The following PCDH9 variants were observed in gnomAD, a reference collection of about 807,000 sequenced individuals.
PCDH9 encodes the protein protocadherin 9.
In PCDH9, 24 loss-of-function variants were observed where a neutral mutation model predicts 70.6. The observed-to-expected ratio is 0.34, with a 90% confidence interval of 0.25 to 0.48. The LOEUF is 0.48. Ranked by LOEUF, PCDH9 falls within the 20% of genes least tolerant of loss-of-function variation. PCDH9 has a pLI of 0.99. For missense variants in PCDH9, 1,281 were observed against 1,503.6 expected (o/e 0.85, Z 2.45); for synonymous variants, 562 against 558.5 (o/e 1.01, Z -0.09).
intron 4 of PCDH9, among the ~76,000 whole-genome samples, chr13:66,333,572 A>T (rs990988903): frequency 6.6e-6 from 1 of 152,148 alleles, no homozygotes; most frequent in Non-Finnish European, 1.5e-5. Context: ...GAAGATCTTT[A>T]TTTTTCATTT....
intron 3 of PCDH9, among the ~76,000 whole-genome samples, chr13:66,898,933 T>C (rs1352626021): frequency 6.6e-6 from 1 of 151,950 alleles, no homozygotes; most frequent in Non-Finnish European, 1.5e-5. Flanking sequence ...CCCATAACTT[T>C]ATCTTAATGT....
chr13:67,078,325 C>A (rs1309413340), intron 2 of PCDH9, among the ~76,000 whole-genome samples: 1 of 152,168 alleles, frequency 6.6e-6, no homozygotes, highest in Non-Finnish European at 1.5e-5. Flanking sequence ...TCCAATCCTT[C>A]CTTGCCCACC....
At chr13:66,368,857 A>T (rs2138211255) in intron 4 of PCDH9, among the ~76,000 whole-genome samples, 1 of 152,154 alleles carries the variant, frequency 6.6e-6, no homozygotes, top group Non-Finnish European at 1.5e-5. Context: ...TTGTGCAGGG[A>T]AACTCTCCCT....
At chr13:66,362,319 C>T (rs546799979) in intron 4 of PCDH9, among the ~76,000 whole-genome samples, 2 of 152,252 alleles carry the variant, frequency 1.3e-5, no homozygotes, top group Admixed American at 6.5e-5. Context: ...ATTGTTGTTT[C>T]GTGTAGTAGT....
At chr13:67,023,080 C>T (rs2084710482) in intron 2 of PCDH9, among the ~76,000 whole-genome samples, 1 of 152,140 alleles carries the variant, frequency 6.6e-6, no homozygotes, top group African/African-American at 2.4e-5. Flanking sequence ...CCACTTTTAA[C>T]TACTTTGAAA....
intron 4 of PCDH9, among the ~76,000 whole-genome samples, chr13:66,471,990 C>T (rs926390793): frequency 1.3e-5 from 2 of 152,028 alleles, no homozygotes; most frequent in African/African-American, 4.8e-5. Flanking sequence ...GCGGGCGGAT[C>T]GCTTAAGGTC....
chr13:66,781,070 G>A (rs113752447), intron 3 of PCDH9, among the ~76,000 whole-genome samples: 1,911 of 152,212 alleles, frequency 0.013, 38 homozygotes, highest in African/African-American at 0.043. Context: ...CCAATAATAA[G>A]TTGTGTAGAA....
intron 2 of PCDH9, among the ~76,000 whole-genome samples, chr13:66,999,106 G>T (rs927472523): frequency 6.6e-6 from 1 of 152,114 alleles, no homozygotes; most frequent in Non-Finnish European, 1.5e-5. Context: ...CAAGCAAATT[G>T]GGTTCTTGCC....
chr13:66,964,850 C>A (rs2083406204), intron 2 of PCDH9, among the ~76,000 whole-genome samples: 2 of 151,736 alleles, frequency 1.3e-5, no homozygotes, highest in Admixed American at 1.3e-4. Context: ...AGATCTGGGG[C>A]ACATGAAAAT....
At position 67,226,580 on chromosome 13, in the gene PCDH9, C is replaced by A; in HGVS notation, c.1861G>T (p.Asp621Tyr). ...ILNDNDNFVL[D>Y]PYSGVIKSNV... ...GACTTTATGACTCCAGAATAGGGAT[C>A]CAACACAAAATTATCATTGTCATTT... Residue 621 changes from aspartate to tyrosine, a missense_variant, in exon 2 of 5, where the codon GAT becomes TAT. Physicochemically the swap from Asp to Tyr is radical, Grantham distance 160. Around this residue, in one of 4 missense-constraint regions of PCDH9, gnomAD observed 798 missense variants for 1,003.1 expected, o/e 0.80. Transcript: ENST00000377865. The surrounding 1 kb of genome is among the most constrained non-coding windows in gnomAD (Gnocchi z 5.0). 3 of 1,613,790 alleles carry A rather than the reference C, an allele frequency of 1.9e-6. No homozygotes were observed. The highest frequency in any genetic ancestry group is 2.5e-6 in the Non-Finnish European group (3 of 1,179,698).
At chr13:66,764,131 A>G (rs2079673015) in intron 3 of PCDH9, among the ~76,000 whole-genome samples, 1 of 151,948 alleles carries the variant, frequency 6.6e-6, no homozygotes, top group African/African-American at 2.4e-5. Flanking sequence ...AAATTGGGCA[A>G]TTATATGTGG....
chr13:66,565,710 A>G (rs937492934), intron 4 of PCDH9, among the ~76,000 whole-genome samples: 1 of 152,304 alleles, frequency 6.6e-6, no homozygotes, highest in Middle Eastern at 3.4e-3. Flanking sequence ...ATAAAACCTT[A>G]TGGCCAGACT....
chr13:66,344,194 G>A (rs758207629), intron 4 of PCDH9, among the ~76,000 whole-genome samples: 1 of 152,096 alleles, frequency 6.6e-6, no homozygotes, highest in Non-Finnish European at 1.5e-5. Context: ...CCAGGCTAGA[G>A]TGCAGTGGCA....
chr13:66,312,077 C>G (rs1388657090), intron 4 of PCDH9, among the ~76,000 whole-genome samples: 1 of 151,992 alleles, frequency 6.6e-6, no homozygotes, highest in African/African-American at 2.4e-5. Context: ...TACAGATAGG[C>G]AAACAAATAA....
chr13:67,051,479 G>A (rs199556063), intron 2 of PCDH9, among the ~76,000 whole-genome samples: 33 of 125,810 alleles, frequency 2.6e-4, no homozygotes, highest in African/African-American at 1.0e-3. Context: ...TGCAACCTCC[G>A]CCTCCCGGGT....
intron 2 of PCDH9, among the ~76,000 whole-genome samples, chr13:66,911,097 G>A (rs2139619095): frequency 6.6e-6 from 1 of 152,278 alleles, no homozygotes; most frequent in Admixed American, 6.5e-5. Flanking sequence ...TGGAGAGAAA[G>A]GCAAACATAG....
intron 4 of PCDH9, among the ~76,000 whole-genome samples, chr13:66,360,943 ATT>A (rs377325895): frequency 6.6e-6 from 1 of 152,044 alleles, no homozygotes; most frequent in East Asian, 1.9e-4. Context: ...AGCTGAGCTA[ATT>A]TTTTTATGGA....
chr13:66,304,975 C>T lies in PCDH9; in HGVS notation c.3394G>A (p.Glu1132Lys). 1 of 1,613,368 alleles carries T rather than the reference C, an allele frequency of 6.2e-7. No individual in the cohort carries two copies. The highest frequency in any genetic ancestry group is 8.5e-7 in the Non-Finnish European group (1 of 1,179,674). ...LAEATEMCTQ[E>K]CLVLGHSDNC... ...TCAGAGTGACCCAAAACCAAGCACT[C>T]TTGAGTGCACATCTCTGTAGCTTCA... Residue 1132 changes from glutamate to lysine, a missense_variant, in exon 5 of 5, where the codon GAG becomes AAG. This residue lies in a region of PCDH9 where 264 missense variants were observed against 278.8 expected (regional missense o/e 0.95). Coordinates refer to ENST00000377865, the MANE Select transcript of PCDH9 (RefSeq NM_203487.3).
intron 2 of PCDH9, among the ~76,000 whole-genome samples, chr13:66,999,195 C>T (rs1319719948): frequency 2.0e-5 from 3 of 152,094 alleles, no homozygotes; most frequent in Non-Finnish European, 4.4e-5. Context: ...CACTTCAAGG[C>T]CCAGTTAAAA....
Sources: allele counts gnomAD v4.1 joint callset (sites outside exome capture counted in the v4.1 genomes callset), GRCh38; gene constraint gnomAD v4.1.1; regional missense constraint gnomAD v4.1.1; non-coding constraint Gnocchi (gnomAD v3.1); transcripts MANE v1.5; gene names NCBI Gene and HGNC (gene_info 2026-07-23, HGNC 2026-07-21).